Variants in SNX29 observed in about 807,000 individuals in gnomAD.
The protein encoded by SNX29 is sorting nexin 29, also known as sorting nexin-29.
Under a neutral mutation model 102.1 loss-of-function variants are expected in SNX29, and 78 were observed. The ratio of observed to expected loss-of-function variants is 0.76; its 90% CI spans 0.64 to 0.92. The LOEUF (loss-of-function observed/expected upper bound fraction) is 0.92, where lower values mean the gene tolerates loss of function less well. Ranked by LOEUF, SNX29 falls within the 40% of genes least tolerant of loss-of-function variation. The pLI, the probability that SNX29 is intolerant of heterozygous loss-of-function variation, is 0.00. For missense variants in SNX29, 1,280 were observed against 1,061.7 expected (o/e 1.21, Z -2.86); for synonymous variants, 580 against 414.5 (o/e 1.40, Z -4.85).
intron 15 of SNX29, among the ~76,000 whole-genome samples, chr16:12,321,054 C>T (rs921118832): frequency 5.3e-5 from 8 of 152,176 alleles, no homozygotes; most frequent in African/African-American, 1.2e-4. Context: ...CATCTAGCCT[C>T]CTCCAGGAGG....
intron 20 of SNX29, among the ~76,000 whole-genome samples, chr16:12,525,437 C>G (rs1264833550): frequency 6.6e-6 from 1 of 152,148 alleles, no homozygotes; most frequent in Non-Finnish European, 1.5e-5. Flanking sequence ...CTCTGGGAGG[C>G]TGAGGCGGGT....
intron 16 of SNX29, chr16:12,367,060 C>A (rs1466823221): frequency 2.0e-5 from 3 of 152,270 alleles, no homozygotes; most frequent in African/African-American, 7.2e-5. Flanking sequence ...TCATCCAAGC[C>A]TTGTGTGTTT....
intron 3 of SNX29, among the ~76,000 whole-genome samples, chr16:12,019,455 T>G (rs1442053414): frequency 2.0e-5 from 3 of 151,982 alleles, no homozygotes; most frequent in Admixed American, 2.0e-4. Context: ...TCTGCCCGCC[T>G]CGGCCTCCCA....
intron 11 of SNX29, among the ~76,000 whole-genome samples, chr16:12,079,874 G>A (rs902550252): frequency 6.6e-6 from 1 of 152,132 alleles, no homozygotes; most frequent in Non-Finnish European, 1.5e-5. Context: ...GAGAGACTTC[G>A]TCTATTTCTA....
chr16:12,558,012 C>T (rs1252834413), intron 20 of SNX29, among the ~76,000 whole-genome samples: 5 of 152,226 alleles, frequency 3.3e-5, no homozygotes, highest in Middle Eastern at 3.4e-3. Flanking sequence ...CTGGGTGCTG[C>T]AGTGGGGAGA....
In SNX29 at chr16:12,481,395, T is replaced by TACACAC. The variant is rs149352429; in HGVS notation, c.2178+3548_2178+3553dup. ...TGTCTTTTATACATATATATATATATACACACACACACACACATATACATA... is the reference window on the plus strand; with the variant it reads ...TGTCTTTTATACATATATATATATATACACACACACACACACACACACATATACATA... On this transcript the variant is annotated intron_variant, in intron 19 of 20. Coordinates refer to ENST00000566228, the MANE Select transcript of SNX29 (RefSeq NM_032167.5). Among the ~76,000 whole-genome samples, 153 of 149,828 alleles carry TACACAC rather than the reference T, an allele frequency of 1.0e-3. 3 individuals carry two copies. In the East Asian group the frequency reaches 0.022, roughly 22 times the overall value.
intron 11 of SNX29, among the ~76,000 whole-genome samples, chr16:12,108,027 G>T (rs2053338120): frequency 6.6e-6 from 1 of 152,102 alleles, no homozygotes; most frequent in South Asian, 2.1e-4. Flanking sequence ...AAATAAGGAG[G>T]GGAAAGGTCC....
chr16:12,277,859 T>C lies in SNX29; in HGVS notation c.1679-74T>C. On this transcript the variant is annotated intron_variant, in intron 14 of 20. Transcript: ENST00000566228. ...CTGAAGTCATCTGAGAAAGAAGAAT[T>C]TTTTCTTTTTTTACTGGGAGAATAA... The C allele has an allele frequency of 2.2e-6, 3 of 1,346,874 alleles. 1 individual carries two copies. The Admixed American group carries it at 6.1e-5, about 27-fold the overall frequency. 83.4% of individuals were successfully genotyped at this position (1,346,874 alleles called of 1,614,324 possible).
chr16:12,446,620 G>A (rs1011545326), intron 18 of SNX29, among the ~76,000 whole-genome samples: 19 of 152,164 alleles, frequency 1.2e-4, no homozygotes, highest in Admixed American at 1.0e-3. Context: ...GAAAGAGTTG[G>A]CCCTGTGGAG....
At chr16:12,516,473 C>A (rs2089869416) in intron 19 of SNX29, among the ~76,000 whole-genome samples, 1 of 131,232 alleles carries the variant, frequency 7.6e-6, no homozygotes, top group South Asian at 2.5e-4. Context: ...GAGAGATATC[C>A]CGTCTCAGAA....
At chr16:12,143,216 C>T (rs981583934) in intron 13 of SNX29, among the ~76,000 whole-genome samples, 5 of 151,920 alleles carry the variant, frequency 3.3e-5, no homozygotes, top group African/African-American at 7.3e-5. Context: ...AGGCTGGTCT[C>T]GAACTCCCGA....
In SNX29 at chr16:12,569,818, T is replaced by C. The variant is rs1367299747; in HGVS notation, c.*1189T>C. 2 of 230,354 alleles carry C rather than the reference T, an allele frequency of 8.7e-6. No homozygotes were observed. Among genetic ancestry groups the C allele is most frequent in the African/African-American group, 4.4e-5 (2 of 45,158 alleles). 14.3% of individuals were successfully genotyped at this position (230,354 alleles called of 1,614,324 possible). A position where few individuals can be genotyped will look rare whatever the true frequency, so the allele number is the denominator to read the frequency against. Reference sequence around the variant, plus strand: ...AGATGCTCAGCAAAGTTGTGGCAGTTTGCATTTCTAGGGTAAACTAACTAG... The same window carrying C: ...AGATGCTCAGCAAAGTTGTGGCAGTCTGCATTTCTAGGGTAAACTAACTAG... On this transcript the variant is annotated 3_prime_UTR_variant, in exon 21 of 21. Transcript: ENST00000566228.
chr16:12,154,592 C>G (rs1029967895), intron 13 of SNX29, among the ~76,000 whole-genome samples: 26 of 152,232 alleles, frequency 1.7e-4, no homozygotes, highest in African/African-American at 6.3e-4. Context: ...CTCTGTCTTT[C>G]ACCCACAGCA....
intron 3 of SNX29, among the ~76,000 whole-genome samples, chr16:12,025,922 C>T (rs868559829): frequency 8.5e-5 from 13 of 152,120 alleles, no homozygotes; most frequent in African/African-American, 2.4e-4. Context: ...CAGGAGGTCA[C>T]GTAAATGTCA....
At chr16:12,352,198 G>C (rs569915014) in intron 15 of SNX29, among the ~76,000 whole-genome samples, 1 of 152,250 alleles carries the variant, frequency 6.6e-6, no homozygotes, top group Admixed American at 6.5e-5. Context: ...AAAAAATGAT[G>C]AGTTCATGTC....
chr16:12,216,199 A>G (rs2077318988), intron 14 of SNX29, among the ~76,000 whole-genome samples: 1 of 152,246 alleles, frequency 6.6e-6, no homozygotes, highest in Non-Finnish European at 1.5e-5. Context: ...GAGAAAATAA[A>G]ATATCATTGA....
At chr16:12,474,785 G>A (rs1184946745) in intron 18 of SNX29, among the ~76,000 whole-genome samples, 1 of 152,202 alleles carries the variant, frequency 6.6e-6, no homozygotes, top group Non-Finnish European at 1.5e-5. Context: ...CCACTTCCGT[G>A]GTTTCCCTTG....
At chr16:12,022,230 C>T (rs569879697) in intron 3 of SNX29, among the ~76,000 whole-genome samples, 11 of 144,002 alleles carry the variant, frequency 7.6e-5, no homozygotes, top group East Asian at 2.0e-4. Flanking sequence ...GGCAGAGTTT[C>T]GCTCTTGTTG....
chr16:12,073,801 C>G (rs2051416259), intron 10 of SNX29, among the ~76,000 whole-genome samples: 1 of 152,064 alleles, frequency 6.6e-6, no homozygotes, highest in Non-Finnish European at 1.5e-5. Flanking sequence ...GTGTGGGAGT[C>G]TAAGTCTCTT....
Sources: gnomAD v4.1 joint callset for allele counts (sites outside exome capture counted in the v4.1 genomes callset) on GRCh38, gnomAD v4.1.1 for gene constraint, MANE v1.5 for transcripts, NCBI Gene and HGNC (gene_info 2026-07-23, HGNC 2026-07-21) for gene names.